Variants in IGLL5 observed in about 807,000 individuals in gnomAD.
IGLL5 encodes immunoglobulin lambda like polypeptide 5.
Under a neutral mutation model 20.9 loss-of-function variants are expected in IGLL5, and 30 were observed. The observed-to-expected ratio is 1.44, with a 90% CI of 1.07 to 1.95. IGLL5 has a LOEUF of 1.95. IGLL5 is among the 30% of genes most tolerant of loss of function. IGLL5 has a pLI of 0.00. For missense variants in IGLL5, 475 were observed against 270.7 expected (o/e 1.75, Z -5.30); for synonymous variants, 203 against 117.3 (o/e 1.73, Z -4.72).
rs1186808120 is a variant in IGLL5 at position 22,888,118 on chromosome 22, A to G, written c.65A>G (p.Gln22Arg). The G allele has an allele frequency of 3.2e-6, 5 of 1,549,590 alleles. No homozygotes were observed. Among genetic ancestry groups the G allele is most frequent in the Non-Finnish European group, 4.4e-6 (5 of 1,146,752 alleles). Residue 22 changes from glutamine to arginine, a missense_variant, in exon 1 of 3, where the codon CAG (glutamine) becomes CGG (arginine). Physicochemically the swap from Gln to Arg is conservative, Grantham distance 43. Coordinates refer to ENST00000526893, the MANE Select transcript of IGLL5 (RefSeq NM_001178126.2). ...TPEELGPGPR[Q>R]RWPLLLLGLA... ...GAGGAGCTGGGCCCTGGTCCCAGGCAGCGCTGGCCCCTGCTGCTGCTGGGT... is the reference window on the plus strand; with the variant it reads ...GAGGAGCTGGGCCCTGGTCCCAGGCGGCGCTGGCCCCTGCTGCTGCTGGGT...
Position 22,888,253 on chromosome 22 carries a change from G to C in IGLL5, c.200G>C (p.Trp67Ser). The C allele has an allele frequency of 1.3e-6, 2 of 1,547,664 alleles. No homozygotes were observed. Among genetic ancestry groups the C allele is most frequent in the Non-Finnish European group, 1.7e-6 (2 of 1,146,414 alleles). Reference sequence around the variant, plus strand: ...AGCCGATCCAGCCTGCGGAGCCTGTGGGGCAGGTAAGGGGCAAGAGATTCC... The same window carrying C: ...AGCCGATCCAGCCTGCGGAGCCTGTCGGGCAGGTAAGGGGCAAGAGATTCC... ...GSSRSSLRSL[W>S]GRLLLQPSPQ... The change falls in exon 1 of 3, where the codon TGG becomes TCG. Residue 67 changes from tryptophan to serine, a missense_variant. Trp to Ser is a radical substitution (Grantham distance 177). Coordinates refer to ENST00000526893, the MANE Select transcript of IGLL5 (RefSeq NM_001178126.2).
intron 2 of IGLL5, 144 bp downstream of exon 2, chr22:22,893,962 T>G (rs999184836): frequency 5.8e-6 from 4 of 693,030 alleles, no homozygotes; most frequent in Admixed American, 4.3e-5. Flanking sequence ...CTGGAGGAGG[T>G]GCATTAGTCT....
intron 1 of IGLL5, 24 bp downstream of exon 1, chr22:22,888,283 G>C (rs768446339): frequency 4.5e-6 from 7 of 1,542,890 alleles, no homozygotes; most frequent in African/African-American, 2.8e-5. Flanking sequence ...GATTCCAGGG[G>C]ATGTGGGGGT....
In IGLL5 at chr22:22,894,689, G is replaced by C. The variant is rs778095115; in HGVS notation, c.326-686G>C. 1.4e-3 allele frequency among the ~76,000 whole-genome samples: 212 copies of C among 151,452 alleles called. 1 individual carries two copies. Among genetic ancestry groups the C allele is most frequent in the Middle Eastern group, 3.7e-3 (1 of 268 alleles). The stretch of plus-strand genomic sequence containing the variant: ...GGCTGCTGGGGTGGGCCTGGGGGCT[G>C]CTGAGTCTCATAGTCTGTGGGAGCA... On this transcript the variant is annotated intron_variant, in intron 2 of 2. Transcript: ENST00000526893.
rs149302248 is a variant in IGLL5 at position 22,888,019 on chromosome 22, A to C, written c.-35A>C. 3 of 1,522,178 alleles carry C rather than the reference A, an allele frequency of 2.0e-6. No individual in the cohort carries two copies. Among genetic ancestry groups the C allele is most frequent in the East Asian group, 2.5e-5 (1 of 40,484 alleles). 94.3% of individuals were successfully genotyped at this position (1,522,178 alleles called of 1,614,324 possible). A position where few individuals can be genotyped will look rare whatever the true frequency, so the allele number is the denominator to read the frequency against. On this transcript the variant is annotated 5_prime_UTR_variant, in exon 1 of 3. Transcript: ENST00000526893. ...CGTCCTCCAGGGAGCCCATGCTGCA[A>C]GTCGGGCCAGAGGTGCCCCTGAACC...
intron 2 of IGLL5, among the ~76,000 whole-genome samples, chr22:22,894,935 G>A (rs1601629453): frequency 6.6e-6 from 1 of 151,486 alleles, no homozygotes; most frequent in African/African-American, 2.4e-5. Flanking sequence ...TGCCAGGACA[G>A]TCCTACAGGA....
At position 22,889,124 on chromosome 22, in the gene IGLL5, G is replaced by A. The variant is rs138586301; in HGVS notation, c.206+865G>A. Reference sequence around the variant, plus strand: ...TTGTGTTTTTGGAAAAATCAGCACCGGATTGGAGGCTGATGCGACGCCCGA... The same window carrying A: ...TTGTGTTTTTGGAAAAATCAGCACCAGATTGGAGGCTGATGCGACGCCCGA... On this transcript the variant is annotated intron_variant, in intron 1 of 2. Coordinates refer to ENST00000526893, the MANE Select transcript of IGLL5 (RefSeq NM_001178126.2). Among the ~76,000 whole-genome samples the A allele has an allele frequency of 2.2e-4, 33 of 151,218 alleles. 1 individual carries two copies. In the East Asian group the frequency reaches 6.1e-3, roughly 28 times the overall value.
At chr22:22,894,316 C>G (rs569231911) in intron 2 of IGLL5, among the ~76,000 whole-genome samples, 1 of 151,318 alleles carries the variant, frequency 6.6e-6, no homozygotes, top group African/African-American at 2.4e-5. Flanking sequence ...AGAGGTCACC[C>G]CAAGGGGAGA....
At chr22:22,888,982 T>C (rs553747580) in intron 1 of IGLL5, among the ~76,000 whole-genome samples, 2 of 151,340 alleles carry the variant, frequency 1.3e-5, no homozygotes, top group African/African-American at 2.4e-5. Context: ...AGGATGAGGC[T>C]GGGAGCTCCT....
rs115653109 is a variant in IGLL5, at chr22:22,888,224, A to G, written c.171A>G (p.Gly57=). 6.5e-6 allele frequency: 10 copies of G among 1,548,140 alleles called. No individual in the cohort carries two copies. The highest frequency in any genetic ancestry group is 3.9e-5 in the Admixed American group (2 of 50,772). ...SGDPDPGASV[G]SSRSSLRSLW... Reference sequence around the variant, plus strand: ...ACCCAGACCCTGGAGCCTCAGTTGGAAGCAGCCGATCCAGCCTGCGGAGCC... The same window carrying G: ...ACCCAGACCCTGGAGCCTCAGTTGGGAGCAGCCGATCCAGCCTGCGGAGCC... Residue 57 remains glycine, a synonymous_variant, in exon 1 of 3, where the codon GGA becomes GGG. Transcript: ENST00000526893.
At chr22:22,889,382 G>A (rs184320100) in intron 1 of IGLL5, among the ~76,000 whole-genome samples, 2 of 151,202 alleles carry the variant, frequency 1.3e-5, no homozygotes, top group East Asian at 2.0e-4. Context: ...CAGGCGGCGA[G>A]TCAAAAAACA....
chr22:22,894,721 G>C, intron 2 of IGLL5, among the ~76,000 whole-genome samples: 1 of 151,316 alleles, frequency 6.6e-6, no homozygotes, highest in African/African-American at 2.4e-5. Context: ...AGCAGCCCCA[G>C]GAACAGCTGA....
chr22:22,894,233 A>T (rs1233674365), intron 2 of IGLL5, among the ~76,000 whole-genome samples: 4 of 151,204 alleles, frequency 2.6e-5, no homozygotes, highest in East Asian at 2.0e-4. Flanking sequence ...GAGCAGCCCC[A>T]AGAACAGCTG....
chr22:22,894,558 CCTGCCTTCCTCA>C, intron 2 of IGLL5, among the ~76,000 whole-genome samples: 1 of 151,550 alleles, frequency 6.6e-6, no homozygotes, highest in Middle Eastern at 3.8e-3. Context: ...GGATCGGCCT[CCTGCCTTCCTCA>C]AAGGGCATGT....
intron 1 of IGLL5, among the ~76,000 whole-genome samples, chr22:22,891,220 T>A (rs183166460): frequency 6.6e-6 from 1 of 150,988 alleles, no homozygotes; most frequent in Admixed American, 6.6e-5. Flanking sequence ...TTTGGTGTAT[T>A]GGTGTTTTAT....
intron 1 of IGLL5, among the ~76,000 whole-genome samples, chr22:22,889,778 T>G (rs541683077): frequency 6.6e-6 from 1 of 151,282 alleles, no homozygotes; most frequent in South Asian, 2.1e-4. Flanking sequence ...TATTATTAGT[T>G]TAGAGACAGA....
chr22:22,888,522 T>C (rs1601601696), intron 1 of IGLL5, among the ~76,000 whole-genome samples: 3 of 151,402 alleles, frequency 2.0e-5, no homozygotes, highest in African/African-American at 2.4e-5. Flanking sequence ...GGTCAGTGCC[T>C]CAATCACCTA....
intron 2 of IGLL5, among the ~76,000 whole-genome samples, chr22:22,894,128 G>C (rs180928925): frequency 1.3e-5 from 2 of 151,534 alleles, no homozygotes; most frequent in African/African-American, 2.4e-5. Flanking sequence ...GAGGGGCCCT[G>C]CAGTGTCCTT....
chr22:22,888,476 T>A (rs552094537), intron 1 of IGLL5, among the ~76,000 whole-genome samples: 3 of 151,408 alleles, frequency 2.0e-5, no homozygotes, highest in Admixed American at 6.6e-5. Flanking sequence ...TTTTCTTGAT[T>A]TCTGAGTTTT....
Sources: allele counts gnomAD v4.1 joint callset (sites outside exome capture counted in the v4.1 genomes callset), GRCh38; gene constraint gnomAD v4.1.1; transcripts MANE v1.5; gene names NCBI Gene and HGNC (gene_info 2026-07-23, HGNC 2026-07-21).